RGS6: variants seen among roughly 807,000 people sequenced by gnomAD.
RGS6 encodes the protein regulator of G-protein signaling 6.
In RGS6, 30 loss-of-function variants were observed where a neutral mutation model predicts 78.5. The ratio of observed to expected loss-of-function variants is 0.38; its 90% CI spans 0.29 to 0.52. The LOEUF is 0.52. Among genes scored for constraint, RGS6 ranks in the 20% least tolerant of loss-of-function variants. The pLI is 0.85. For missense variants in RGS6, 495 were observed against 609.7 expected (o/e 0.81, Z 1.98); for synonymous variants, 206 against 206.0 (o/e 1.00, Z 0.00).
chr14:72,012,066 G>T lies in RGS6; in HGVS notation c.84+47191G>T, dbSNP rs147018494. 6.1e-4 allele frequency among the ~76,000 whole-genome samples: 93 copies of T among 152,210 alleles called. 1 individual carries two copies. Among genetic ancestry groups the T allele is most frequent in the Middle Eastern group, 3.4e-3 (1 of 294 alleles). On this transcript the variant is annotated intron_variant, in intron 2 of 17. Coordinates refer to ENST00000553525, the MANE Select transcript of RGS6 (RefSeq NM_001204424.2). ...GGGTGGCTGGGAACACAACCAAAAA[G>T]ATATGAAAACCAATAACAATTATGT... is the stretch of plus-strand genomic sequence containing the variant.
intron 2 of RGS6, among the ~76,000 whole-genome samples, chr14:72,134,166 G>A (rs960405835): frequency 1.3e-5 from 2 of 152,092 alleles, no homozygotes; most frequent in Non-Finnish European, 2.9e-5. Context: ...GTTTTGATTG[G>A]AAAACCTATT....
chr14:72,044,377 A>ATCT (rs2092672287), intron 2 of RGS6, among the ~76,000 whole-genome samples: 1 of 152,206 alleles, frequency 6.6e-6, no homozygotes, highest in Non-Finnish European at 1.5e-5. Context: ...AATAAGAAAG[A>ATCT]TCTGCCCTGC....
intron 3 of RGS6, among the ~76,000 whole-genome samples, chr14:72,399,625 T>C (rs1342454690): frequency 6.6e-6 from 1 of 152,232 alleles, no homozygotes; most frequent in Non-Finnish European, 1.5e-5. Flanking sequence ...CTTCCTAGCA[T>C]CAATGGTCTT....
chr14:72,158,175 G>GCAT (rs773013342), intron 2 of RGS6, among the ~76,000 whole-genome samples: 2 of 152,174 alleles, frequency 1.3e-5, no homozygotes, highest in African/African-American at 2.4e-5. Context: ...AGAATGAAAG[G>GCAT]CATCGGTAGG....
rs535170002 is a variant in RGS6 at position 71,974,172 on chromosome 14, A to G, written c.84+9297A>G. On this transcript the variant is annotated intron_variant, in intron 2 of 17. Coordinates refer to ENST00000553525, the MANE Select transcript of RGS6 (RefSeq NM_001204424.2). ...CTGTGGAGAACCTGAATGGCTGTAA[A>G]TTCCCTATTGGCAGGATTTTGGAGA... is the stretch of plus-strand genomic sequence containing the variant. Among the ~76,000 whole-genome samples, 4 of 152,252 alleles carry G rather than the reference A, an allele frequency of 2.6e-5. No individual in the cohort carries two copies. In the East Asian group the frequency reaches 7.7e-4, roughly 29 times the overall value.
chr14:72,319,311 C>T (rs1231370950), intron 2 of RGS6, among the ~76,000 whole-genome samples: 1 of 151,812 alleles, frequency 6.6e-6, no homozygotes, highest in Non-Finnish European at 1.5e-5. Flanking sequence ...AGAGAAGAAA[C>T]ATACACTGAT....
intron 2 of RGS6, among the ~76,000 whole-genome samples, chr14:72,265,638 C>T (rs754632927): frequency 1.3e-5 from 2 of 152,160 alleles, no homozygotes; most frequent in African/African-American, 2.4e-5. Context: ...CCACAAGGCA[C>T]ATAATATTCA....
At chr14:72,186,921 A>T (rs1406456341) in intron 2 of RGS6, among the ~76,000 whole-genome samples, 1 of 152,226 alleles carries the variant, frequency 6.6e-6, no homozygotes, top group Non-Finnish European at 1.5e-5. Flanking sequence ...TGAGAGGACC[A>T]GTTCAGTTGC....
At chr14:72,412,651 T>C (rs1292951055) in intron 3 of RGS6, among the ~76,000 whole-genome samples, 1 of 152,238 alleles carries the variant, frequency 6.6e-6, no homozygotes, top group East Asian at 1.9e-4. Context: ...TTCTTTTAAT[T>C]GTGATGTTAG....
chr14:71,956,399 T>C (rs1256381211), intron 1 of RGS6, among the ~76,000 whole-genome samples: 1 of 151,414 alleles, frequency 6.6e-6, no homozygotes. Context: ...TATATAACAG[T>C]GTGTGTGTGT....
chr14:72,116,171 A>T (rs1273224782), intron 2 of RGS6, among the ~76,000 whole-genome samples: 1 of 152,220 alleles, frequency 6.6e-6, no homozygotes, highest in Non-Finnish European at 1.5e-5. Context: ...TGCAAATAAT[A>T]TACAAATATT....
At chr14:72,607,974 G>A in the RGS6 span, among the ~76,000 whole-genome samples, 1 of 152,214 alleles carries the variant, frequency 6.6e-6, no homozygotes. Context: ...TCACTTAGGG[G>A]AGGAATAAAA....
intron 2 of RGS6, among the ~76,000 whole-genome samples, chr14:72,065,753 C>T (rs1403124067): frequency 2.0e-5 from 3 of 151,958 alleles, no homozygotes; most frequent in Non-Finnish European, 4.4e-5. Context: ...AAGTGGCCCT[C>T]ATTATTTTAT....
At chr14:72,054,183 G>C (rs1301798369) in intron 2 of RGS6, among the ~76,000 whole-genome samples, 2 of 152,164 alleles carry the variant, frequency 1.3e-5, no homozygotes, top group Non-Finnish European at 1.5e-5. Flanking sequence ...AGTCCTTACA[G>C]AAATATAAAG....
chr14:72,369,072 A>T (rs752428763), intron 3 of RGS6, among the ~76,000 whole-genome samples: 3 of 152,182 alleles, frequency 2.0e-5, no homozygotes, highest in Non-Finnish European at 4.4e-5. Flanking sequence ...CAAAAATCTC[A>T]TAATGTTTTA....
intron 2 of RGS6, among the ~76,000 whole-genome samples, chr14:72,228,109 T>C (rs901951552): frequency 3.3e-5 from 5 of 152,214 alleles, no homozygotes; most frequent in Admixed American, 1.3e-4. Flanking sequence ...CCAGGCACGG[T>C]GGCTGACACC....
chr14:71,868,506 C>T, the RGS6 span, among the ~76,000 whole-genome samples: 1 of 152,138 alleles, frequency 6.6e-6, no homozygotes, highest in African/African-American at 2.4e-5. Flanking sequence ...AAAAAGTTGT[C>T]CAGTTGACCA....
chr14:72,493,841 A>G (rs1411998444), intron 12 of RGS6, among the ~76,000 whole-genome samples: 1 of 152,150 alleles, frequency 6.6e-6, no homozygotes, highest in Non-Finnish European at 1.5e-5. Flanking sequence ...TTCTATGTCT[A>G]GCACTATCAG....
In RGS6 at chr14:72,564,495, G is replaced by A. The variant is rs2097700810; in HGVS notation, c.*2028G>A. 6.6e-6 allele frequency: 1 copy of A among 152,238 alleles called. No homozygotes were observed. The highest frequency in any genetic ancestry group is 6.5e-5 in the Admixed American group (1 of 15,276). The allele number at this position is 152,238 out of a possible 1,614,324, so 9.4% of individuals were successfully genotyped here. ...GTTTCAGAACAAAATTACAGTCTAA[G>A]TTCATTTGCCCCCAGCCTTGCCCAA... On this transcript the variant is annotated 3_prime_UTR_variant, in exon 18 of 18. Coordinates refer to ENST00000553525, the MANE Select transcript of RGS6 (RefSeq NM_001204424.2).
Sources: gnomAD v4.1 joint callset for allele counts (sites outside exome capture counted in the v4.1 genomes callset) on GRCh38, gnomAD v4.1.1 for gene constraint, MANE v1.5 for transcripts, NCBI Gene and HGNC (gene_info 2026-07-23, HGNC 2026-07-21) for gene names.